Variants in ADGRB3 observed in about 807,000 individuals in gnomAD.
ADGRB3 encodes the protein brain-specific angiogenesis inhibitor 3.
A neutral mutation model predicts 193.4 loss-of-function variants in ADGRB3; 37 were observed. The observed-to-expected ratio is 0.19, with a 90% CI of 0.15 to 0.25. The LOEUF is 0.25. Ranked by LOEUF, ADGRB3 falls within the 10% of genes least tolerant of loss-of-function variation. The pLI, the probability that ADGRB3 is intolerant of heterozygous loss-of-function variation, is 1.00. For synonymous variants in ADGRB3, 690 were observed against 644.2 expected, an observed-to-expected ratio of 1.07 and a Z score of -1.08; for missense variants, 1,637 against 1,852.9, an observed-to-expected ratio of 0.88 and a Z score of 2.14.
chr6:69,333,820 C>T (rs1768779023), intron 24 of ADGRB3, among the ~76,000 whole-genome samples: 1 of 151,014 alleles, frequency 6.6e-6, no homozygotes, highest in Non-Finnish European at 1.5e-5. Flanking sequence ...GTCCCAGCTA[C>T]TCGGGAGGCT....
chr6:69,373,950 A>G (rs1015777300), intron 30 of ADGRB3, among the ~76,000 whole-genome samples: 1 of 152,056 alleles, frequency 6.6e-6, no homozygotes, highest in African/African-American at 2.4e-5. Flanking sequence ...TTCTTTTTTC[A>G]TCTATTCTCT....
chr6:68,907,648 A>G (rs1766585051), intron 3 of ADGRB3, among the ~76,000 whole-genome samples: 1 of 151,958 alleles, frequency 6.6e-6, no homozygotes, highest in South Asian at 2.1e-4. Context: ...TGATTTCCCA[A>G]TGTTAATACC....
chr6:68,972,467 C>A (rs1768601986), intron 8 of ADGRB3, among the ~76,000 whole-genome samples: 1 of 152,096 alleles, frequency 6.6e-6, no homozygotes, highest in Non-Finnish European at 1.5e-5. Flanking sequence ...CCCCATCCAA[C>A]CTCCCCCTCC....
chr6:69,183,717 T>C (rs1007377431), intron 17 of ADGRB3, among the ~76,000 whole-genome samples: 1 of 152,126 alleles, frequency 6.6e-6, no homozygotes, highest in Non-Finnish European at 1.5e-5. Context: ...AAATTACATC[T>C]TTAAATTTTA....
rs1172160699 is a variant in ADGRB3 at position 68,956,079 on chromosome 6, G to T, written c.1251G>T (p.Ser417=). The change falls in exon 7 of 32, where the codon TCG becomes TCT. Residue 417 remains serine (S), a synonymous_variant. Transcript: ENST00000370598. ...GGAGCCAGTGCTCAGTAACGTGCTCGAATGGGACTCAGCAGAGAAGCCGGC... is the reference window on the plus strand; with the variant it reads ...GGAGCCAGTGCTCAGTAACGTGCTCTAATGGGACTCAGCAGAGAAGCCGGC... ...SSWSQCSVTC[S]NGTQQRSRQC... The T allele has an allele frequency of 6.2e-6, 10 of 1,613,958 alleles. No homozygotes were observed. The highest frequency in any genetic ancestry group is 8.5e-6 in the Non-Finnish European group (10 of 1,179,960).
chr6:69,003,968 T>G (rs1287135783), intron 11 of ADGRB3, among the ~76,000 whole-genome samples: 1 of 152,108 alleles, frequency 6.6e-6, no homozygotes, highest in East Asian at 1.9e-4. Flanking sequence ...ATAAATTAGT[T>G]TGGTCGAGTT....
In ADGRB3 at chr6:69,018,616, A is replaced by G. The variant is rs573245574; in HGVS notation, c.2107+117A>G. The G allele has an allele frequency of 1.1e-5, 7 of 637,132 alleles. No individual in the cohort carries two copies. The South Asian group carries it at 1.3e-4, about 12-fold the overall frequency. 39.5% of individuals were successfully genotyped at this position (637,132 alleles called of 1,614,324 possible). ...TTCATATGTTTAACTGCATGTGAGCAAATATATTTCTAATACTTGGTATCT... is the reference window on the plus strand; with the variant it reads ...TTCATATGTTTAACTGCATGTGAGCGAATATATTTCTAATACTTGGTATCT... On this transcript the variant is annotated intron_variant, in intron 13 of 31. Transcript: ENST00000370598.
intron 17 of ADGRB3, among the ~76,000 whole-genome samples, chr6:69,133,649 G>A (rs867152649): frequency 9.3e-5 from 14 of 150,328 alleles, no homozygotes; most frequent in Non-Finnish European, 1.6e-4. Context: ...AACGAAACCC[G>A]GCAGAGACAC....
At chr6:69,076,184 G>A in intron 17 of ADGRB3, 146 bp downstream of exon 17, 2 of 679,196 alleles carry the variant, frequency 2.9e-6, no homozygotes, top group Non-Finnish European at 2.5e-6. Flanking sequence ...GAATCTTCAG[G>A]ACAGCATGAT....
chr6:69,356,493 GGA>G (rs1263890685), intron 28 of ADGRB3, among the ~76,000 whole-genome samples: 1 of 151,644 alleles, frequency 6.6e-6, no homozygotes, highest in Non-Finnish European at 1.5e-5. Context: ...GGAGGAAGAA[GGA>G]GAGAGAGAGA....
At chr6:69,086,608 T>G (rs1772557405) in intron 17 of ADGRB3, among the ~76,000 whole-genome samples, 2 of 151,880 alleles carry the variant, frequency 1.3e-5, no homozygotes, top group South Asian at 4.1e-4. Context: ...TAGTGCCAAA[T>G]TTTTTTTGGT....
At chr6:68,983,992 CAT>C (rs1375160682) in intron 10 of ADGRB3, among the ~76,000 whole-genome samples, 1 of 152,072 alleles carries the variant, frequency 6.6e-6, no homozygotes, top group Non-Finnish European at 1.5e-5. Context: ...GCGAAAATAA[CAT>C]ATGGAAATAC....
intron 15 of ADGRB3, among the ~76,000 whole-genome samples, chr6:69,050,555 A>G (rs1255334656): frequency 2.0e-5 from 3 of 152,198 alleles, no homozygotes; most frequent in Admixed American, 6.5e-5. Flanking sequence ...ACTCACAGAT[A>G]AAATTTAGTC....
chr6:68,977,434 T>C (rs1468078594), intron 10 of ADGRB3, among the ~76,000 whole-genome samples: 2 of 152,176 alleles, frequency 1.3e-5, no homozygotes, highest in Non-Finnish European at 2.9e-5. Flanking sequence ...ACAAATTTGC[T>C]AAGAATTAAT....
At chr6:68,870,933 G>C (rs1034663819) in intron 3 of ADGRB3, among the ~76,000 whole-genome samples, 3 of 152,150 alleles carry the variant, frequency 2.0e-5, no homozygotes, top group Admixed American at 2.0e-4. Context: ...AGGTCCTTCT[G>C]TGGCTTGACA....
At chr6:68,936,874 T>TA (rs1767499270) in intron 5 of ADGRB3, among the ~76,000 whole-genome samples, 194 bp downstream of exon 5, 1 of 152,254 alleles carries the variant, frequency 6.6e-6, no homozygotes, top group African/African-American at 2.4e-5. Flanking sequence ...GCAAATTAGG[T>TA]AAATGGCTCC....
intron 3 of ADGRB3, among the ~76,000 whole-genome samples, chr6:68,751,769 A>G (rs1264078928): frequency 6.6e-6 from 1 of 152,148 alleles, no homozygotes; most frequent in Non-Finnish European, 1.5e-5. Flanking sequence ...ATCCTGTTTC[A>G]TGTCTATTGA....
At chr6:69,348,522 G>A (rs976143973) in intron 26 of ADGRB3, among the ~76,000 whole-genome samples, 12 of 151,700 alleles carry the variant, frequency 7.9e-5, no homozygotes, top group African/African-American at 2.9e-4. Flanking sequence ...AATTAGCCGG[G>A]CATGGTGGCA....
At position 69,033,312 on chromosome 6, in the gene ADGRB3, T is replaced by C. The variant is rs551543329; in HGVS notation, c.2107+14813T>C. On this transcript the variant is annotated intron_variant, in intron 13 of 31. Coordinates refer to ENST00000370598, the MANE Select transcript of ADGRB3 (RefSeq NM_001704.3). Reference sequence around the variant, plus strand: ...TTAGTCAGATCCTAGCTCTCTTGAATGATTCATACAAATAAATAGTTTCTG... The same window carrying C: ...TTAGTCAGATCCTAGCTCTCTTGAACGATTCATACAAATAAATAGTTTCTG... Among the ~76,000 whole-genome samples, 54 of 152,308 alleles carry C rather than the reference T, an allele frequency of 3.5e-4. 1 individual carries two copies. In the South Asian group the frequency reaches 7.5e-3, roughly 21 times the overall value.
Sources: gnomAD v4.1 joint callset for allele counts (sites outside exome capture counted in the v4.1 genomes callset) on GRCh38, gnomAD v4.1.1 for gene constraint, MANE v1.5 for transcripts, NCBI Gene and HGNC (gene_info 2026-07-23, HGNC 2026-07-21) for gene names.